Variants in WDR17 observed in about 807,000 individuals in gnomAD.
The protein encoded by WDR17 is WD repeat-containing protein 17.
WDR17 carries 143 observed loss-of-function variants against 161.7 expected under a neutral mutation model. The ratio of observed to expected loss-of-function variants is 0.88; its 90% CI spans 0.77 to 1.02. WDR17 has a LOEUF of 1.02. WDR17 is among the 50% of genes least tolerant of loss of function. The pLI is 0.00. For synonymous variants in WDR17, 517 were observed against 515.6 expected, an observed-to-expected ratio of 1.00 and a Z score of -0.04; for missense variants, 1,469 against 1,520.9, an observed-to-expected ratio of 0.97 and a Z score of 0.57.
At chr4:176,070,505 C>CT (rs1038954332) in intron 1 of WDR17, among the ~76,000 whole-genome samples, 2 of 151,786 alleles carry the variant, frequency 1.3e-5, no homozygotes, top group African/African-American at 2.4e-5. Context: ...CCTTTTTTCC[C>CT]TTTTTTTCCA....
Position 176,141,964 on chromosome 4 carries a change from A to T in WDR17, c.1443-19A>T. On this transcript the variant is annotated intron_variant, in intron 10 of 28. Transcript: ENST00000508596. ...TTTAGAGTATTGTTTTTCTATTAAC[A>T]TATTATAATTAATTCTAGTATTATT... 2.6e-6 allele frequency: 4 copies of T among 1,528,050 alleles called. No individual in the cohort carries two copies. Among genetic ancestry groups the T allele is most frequent in the Non-Finnish European group, 2.7e-6 (3 of 1,117,388 alleles). 94.7% of individuals were successfully genotyped at this position (1,528,050 alleles called of 1,614,324 possible). A position where few individuals can be genotyped will look rare whatever the true frequency, so the allele number is the denominator to read the frequency against.
At position 176,181,649 on chromosome 4, in the gene WDR17, C is replaced by T. The variant is rs1248093953; in HGVS notation, c.*2070C>T. The T allele has an allele frequency of 6.5e-6, 1 of 153,770 alleles. No homozygotes were observed. The highest frequency in any genetic ancestry group is 6.6e-5 in the Admixed American group (1 of 15,258). The allele number at this position is 153,770 out of a possible 1,614,324, so 9.5% of individuals were successfully genotyped here. On this transcript the variant is annotated 3_prime_UTR_variant, in exon 29 of 29. Transcript: ENST00000508596. The stretch of plus-strand genomic sequence containing the variant: ...AACTGGCACATATGTACTAAAAACC[C>T]CTCACTTAAAAATGGCAGTCTCAAT...
In WDR17 at chr4:176,182,463, A is replaced by G. The variant is rs1350487950; in HGVS notation, c.*2884A>G. ...AAATTGTCCAGATGTGTTCAGGAAC[A>G]TGATTGCATTAGAGCAATGACTGTA... On this transcript the variant is annotated 3_prime_UTR_variant, in exon 29 of 29. Coordinates refer to ENST00000508596, the MANE Select transcript of WDR17 (RefSeq NM_181265.4). The surrounding 1 kb of genome is among the most constrained non-coding windows in gnomAD (Gnocchi z 4.2). 6.6e-6 allele frequency: 1 copy of G among 151,596 alleles called. No individual in the cohort carries two copies. The highest frequency in any genetic ancestry group is 1.5e-5 in the Non-Finnish European group (1 of 67,884). 9.4% of individuals were successfully genotyped at this position (151,596 alleles called of 1,614,324 possible).
rs575590877 is a variant in WDR17 at position 176,178,578 on chromosome 4, G to A, written c.3733-882G>A. On this transcript the variant is annotated intron_variant, in intron 28 of 28. Transcript: ENST00000508596. ...TTATCTCATATACACTGAGGCCCAC[G>A]TGACTGGTATAGATGGAGTACTGTT... Among the ~76,000 whole-genome samples, 30 of 152,224 alleles carry A rather than the reference G, an allele frequency of 2.0e-4. 1 individual carries two copies. Among genetic ancestry groups the A allele is most frequent in the African/African-American group, 5.5e-4 (23 of 41,528 alleles).
chr4:176,108,763 C>T (rs987318064), intron 1 of WDR17, among the ~76,000 whole-genome samples: 5 of 152,090 alleles, frequency 3.3e-5, no homozygotes, highest in Non-Finnish European at 7.4e-5. Flanking sequence ...GTGTAAAAAA[C>T]ATTACCAGAA....
chr4:176,130,909 A>G (rs1451154504), intron 6 of WDR17, among the ~76,000 whole-genome samples: 4 of 152,130 alleles, frequency 2.6e-5, no homozygotes, highest in Non-Finnish European at 2.9e-5. Context: ...AAGACAAAAT[A>G]TGGGATAAAT....
At position 176,120,186 on chromosome 4, in the gene WDR17, C is replaced by G. The variant is rs932884388; in HGVS notation, c.538+89C>G. On this transcript the variant is annotated intron_variant, in intron 4 of 28. Transcript: ENST00000508596. ...GCTTGGTCTTTCTAGTGACCAGTCC[C>G]CATTGTGAATAAAACCAAAAGTGAC... 3.0e-5 allele frequency: 29 copies of G among 982,608 alleles called. No individual in the cohort carries two copies. In the South Asian group the frequency reaches 5.4e-4, roughly 18 times the overall value. 60.9% of individuals were successfully genotyped at this position (982,608 alleles called of 1,614,324 possible). A position where few individuals can be genotyped will look rare whatever the true frequency, so the allele number is the denominator to read the frequency against.
chr4:176,159,976 C>G lies in WDR17; in HGVS notation c.2526-18C>G. On this transcript the variant is annotated intron_variant, in intron 18 of 28. Coordinates refer to ENST00000508596, the MANE Select transcript of WDR17 (RefSeq NM_181265.4). ...TCAAAATAATATATTGTTTAAAAAA[C>G]TGTCCTTATTTTATTAGGAGAGCTG... 6.4e-7 allele frequency: 1 copy of G among 1,564,550 alleles called. No individual in the cohort carries two copies. Among genetic ancestry groups the G allele is most frequent in the Non-Finnish European group, 8.7e-7 (1 of 1,150,568 alleles).
chr4:176,176,999 G>T lies in WDR17; in HGVS notation c.3450-59G>T, dbSNP rs553088904. The T allele has an allele frequency of 3.8e-5, 46 of 1,202,368 alleles. No homozygotes were observed. In the South Asian group the frequency reaches 4.8e-4, roughly 12 times the overall value. 74.5% of individuals were successfully genotyped at this position (1,202,368 alleles called of 1,614,324 possible). ...CTAAAATCACATTTAAAGTTTGTTTGCTTTTTCTGATATCTTAGTTTTTGG... is the reference window on the plus strand; with the variant it reads ...CTAAAATCACATTTAAAGTTTGTTTTCTTTTTCTGATATCTTAGTTTTTGG... On this transcript the variant is annotated intron_variant, in intron 26 of 28. Transcript: ENST00000508596.
chr4:176,152,115 G>T, intron 17 of WDR17, 148 bp downstream of exon 17: 1 of 682,286 alleles, frequency 1.5e-6, no homozygotes, highest in African/African-American at 1.9e-5. Context: ...TTCGATACTA[G>T]CCTGAGCAAC....
chr4:176,128,615 T>G, intron 5 of WDR17, 123 bp from the exon 6 acceptor site: 1 of 939,838 alleles, frequency 1.1e-6, no homozygotes, highest in Non-Finnish European at 1.6e-6. Flanking sequence ...GTATTGTTGT[T>G]AAAAGGATGT....
At chr4:176,147,992 A>G (rs910925290) in intron 12 of WDR17, 141 bp from the exon 13 acceptor site, 1 of 520,884 alleles carries the variant, frequency 1.9e-6, no homozygotes, top group African/African-American at 2.0e-5. Context: ...TTAAATTAAA[A>G]TGAAGAGAAC....
chr4:176,158,994 C>T (rs188621375), intron 18 of WDR17, among the ~76,000 whole-genome samples: 54 of 152,230 alleles, frequency 3.5e-4, no homozygotes, highest in Non-Finnish European at 6.8e-4. Flanking sequence ...AAAAACATAG[C>T]TGTTGAGGAA....
At chr4:176,148,799 C>T (rs1322237472) in intron 13 of WDR17, among the ~76,000 whole-genome samples, 1 of 152,068 alleles carries the variant, frequency 6.6e-6, no homozygotes, top group Admixed American at 6.5e-5. Context: ...TTAATATAAT[C>T]CCGTTTTTTT....
Position 176,151,892 on chromosome 4 carries a change from G to A in WDR17, c.2385G>A (p.Leu795=). ...GTGTACCTGCTAAAGAGGAAAGACTGAAGGAAGCTGCTGAAATCCACTTGA... is the reference window on the plus strand; with the variant it reads ...GTGTACCTGCTAAAGAGGAAAGACTAAAGGAAGCTGCTGAAATCCACTTGA... ...GIGVPAKEER[L]KEAAEIHLRL... is the part of the protein sequence containing the mutation. Residue 795 remains leucine (L), a synonymous_variant, in exon 17 of 29, where the codon CTG becomes CTA. Transcript: ENST00000508596. 1 of 1,613,476 alleles carries A rather than the reference G, an allele frequency of 6.2e-7. No homozygotes were observed. The highest frequency in any genetic ancestry group is 8.5e-7 in the Non-Finnish European group (1 of 1,179,752).
intron 20 of WDR17, among the ~76,000 whole-genome samples, chr4:176,161,520 C>G (rs1358569851): frequency 1.3e-5 from 2 of 151,954 alleles, no homozygotes; most frequent in Admixed American, 1.3e-4. Context: ...ATCCAGTAGT[C>G]TGCCTTCCCC....
chr4:176,089,120 T>C (rs370420814), intron 1 of WDR17, among the ~76,000 whole-genome samples: 3 of 152,186 alleles, frequency 2.0e-5, no homozygotes, highest in Non-Finnish European at 2.9e-5. Flanking sequence ...TTTTAGTATG[T>C]AATTTCTTTT....
chr4:176,171,570 A>G (rs1278153051), intron 23 of WDR17, among the ~76,000 whole-genome samples: 1 of 152,202 alleles, frequency 6.6e-6, no homozygotes, highest in East Asian at 1.9e-4. Flanking sequence ...AAATGATTAA[A>G]TGAATGTATT....
chr4:176,070,864 C>G (rs1448186900), intron 1 of WDR17, among the ~76,000 whole-genome samples: 3 of 152,146 alleles, frequency 2.0e-5, no homozygotes, highest in East Asian at 1.9e-4. Flanking sequence ...TTCTAAGCAT[C>G]CATTTGATTT....
Sources: gnomAD v4.1 joint callset for allele counts (sites outside exome capture counted in the v4.1 genomes callset) on GRCh38, gnomAD v4.1.1 for gene constraint, Gnocchi (gnomAD v3.1) non-coding constraint, MANE v1.5 for transcripts, NCBI Gene and HGNC (gene_info 2026-07-23, HGNC 2026-07-21) for gene names.